Variants in SGCZ observed in about 807,000 individuals in gnomAD.
SGCZ encodes the protein sarcoglycan zeta.
SGCZ carries 40 observed loss-of-function variants against 41.3 expected under a neutral mutation model. The ratio of observed to expected loss-of-function variants is 0.97; its 90% CI spans 0.75 to 1.26. The LOEUF is 1.26. Ranked by LOEUF, SGCZ falls within the 50% of genes most tolerant of loss-of-function variation. SGCZ has a pLI of 0.00. For missense variants in SGCZ, 552 were observed against 369.8 expected (o/e 1.49, Z -4.04); for synonymous variants, 206 against 137.5 (o/e 1.50, Z -3.49).
chr8:14,989,656 C>A (rs1460533666), intron 1 of SGCZ, among the ~76,000 whole-genome samples: 1 of 152,092 alleles, frequency 6.6e-6, no homozygotes, highest in East Asian at 1.9e-4. Flanking sequence ...CTAAACTAAT[C>A]ATATGTCAGT....
intron 1 of SGCZ, 133 bp downstream of exon 1, chr8:15,237,451 CG>C: frequency 9.4e-7 from 1 of 1,060,460 alleles, no homozygotes; most frequent in Non-Finnish European, 1.4e-6. Context: ...CCCGGGTGCG[CG>C]TCCCCCCAAC....
Position 14,753,480 on chromosome 8 carries a change from A to G in SGCZ, c.40-198554T>C, listed in dbSNP as rs969771. ...TAGCATTGAAGAAGAAAATTTTTCA[A>G]ATATGCATAAGCAACATACATTGCT... On this transcript the variant is annotated intron_variant, in intron 1 of 7. Transcript: ENST00000382080. Among the ~76,000 whole-genome samples, 668 of 152,336 alleles carry G rather than the reference A, an allele frequency of 4.4e-3. 9 individuals are homozygous for G. Among genetic ancestry groups the G allele is most frequent in the African/African-American group, 0.015 (617 of 41,586 alleles).
chr8:15,190,124 C>T (rs1800484771), intron 1 of SGCZ, among the ~76,000 whole-genome samples: 1 of 152,134 alleles, frequency 6.6e-6, no homozygotes, highest in African/African-American at 2.4e-5. Flanking sequence ...GTCTGCTTTA[C>T]CTGAAATTCT....
At chr8:14,999,547 G>GA (rs1254795968) in intron 1 of SGCZ, among the ~76,000 whole-genome samples, 3 of 152,164 alleles carry the variant, frequency 2.0e-5, no homozygotes, top group Non-Finnish European at 4.4e-5. Context: ...TTAGGGTCGA[G>GA]AAAAAGGAGG....
At chr8:14,895,572 G>C (rs976545889) in intron 1 of SGCZ, among the ~76,000 whole-genome samples, 2 of 152,090 alleles carry the variant, frequency 1.3e-5, no homozygotes, top group African/African-American at 4.8e-5. Flanking sequence ...TTTGAATCTG[G>C]AAGATCAAAG....
chr8:14,271,131 G>A (rs1019505782), intron 3 of SGCZ, among the ~76,000 whole-genome samples: 2 of 151,870 alleles, frequency 1.3e-5, no homozygotes, highest in Non-Finnish European at 2.9e-5. Flanking sequence ...ACACCAATAT[G>A]GCACATGTAT....
intron 1 of SGCZ, among the ~76,000 whole-genome samples, chr8:14,704,605 T>C (rs1393694421): frequency 2.0e-5 from 3 of 152,002 alleles, no homozygotes; most frequent in African/African-American, 7.2e-5. Flanking sequence ...CTGTGGGCAG[T>C]TAATCTCTCA....
chr8:14,177,951 T>TTTTTTTCTTTTCTTC (rs1804599714), intron 4 of SGCZ, among the ~76,000 whole-genome samples: 1 of 68,848 alleles, frequency 1.5e-5, no homozygotes, highest in East Asian at 2.6e-4. Context: ...TTCTTTTCTT[T>TTTTTTTCTTTTCTTC]TTTTTTCTTT....
At chr8:14,536,805 T>G (rs1803310987) in intron 2 of SGCZ, among the ~76,000 whole-genome samples, 3 of 151,898 alleles carry the variant, frequency 2.0e-5, no homozygotes. Flanking sequence ...CATGAGTTAA[T>G]GTGAAGATAT....
At chr8:14,160,763 T>C (rs2116975406) in intron 5 of SGCZ, among the ~76,000 whole-genome samples, 1 of 152,258 alleles carries the variant, frequency 6.6e-6, no homozygotes, top group African/African-American at 2.4e-5. Flanking sequence ...ATGTATCAGG[T>C]AAATTCCTGC....
At chr8:15,135,435 T>A (rs914870017) in intron 1 of SGCZ, among the ~76,000 whole-genome samples, 1 of 152,180 alleles carries the variant, frequency 6.6e-6, no homozygotes, top group African/African-American at 2.4e-5. Context: ...CCATTCACAT[T>A]TTCCTAGCAC....
At chr8:14,406,118 C>T (rs1241671299) in intron 2 of SGCZ, among the ~76,000 whole-genome samples, 3 of 152,050 alleles carry the variant, frequency 2.0e-5, no homozygotes, top group African/African-American at 7.2e-5. Flanking sequence ...TACAGTTTCC[C>T]ATCTTCTGTG....
At chr8:14,239,709 C>A (rs544641026) in intron 3 of SGCZ, among the ~76,000 whole-genome samples, 3 of 150,772 alleles carry the variant, frequency 2.0e-5, no homozygotes, top group Non-Finnish European at 4.4e-5. Context: ...GAGACCATCC[C>A]GGCTAAAACG....
intron 1 of SGCZ, among the ~76,000 whole-genome samples, chr8:14,713,223 A>C (rs1809578855): frequency 6.6e-6 from 1 of 152,222 alleles, no homozygotes; most frequent in Non-Finnish European, 1.5e-5. Context: ...GGAGGAAATT[A>C]AATGCATGTC....
chr8:14,850,104 T>C (rs889166338), intron 1 of SGCZ, among the ~76,000 whole-genome samples: 20 of 152,146 alleles, frequency 1.3e-4, no homozygotes, highest in Admixed American at 3.9e-4. Context: ...AAGAAAAAAA[T>C]TTATTTTCAA....
chr8:14,328,208 G>T (rs1034149587), intron 2 of SGCZ, among the ~76,000 whole-genome samples: 1 of 152,150 alleles, frequency 6.6e-6, no homozygotes, highest in South Asian at 2.1e-4. Context: ...CTATTTATGA[G>T]TTGATGAAAT....
intron 3 of SGCZ, among the ~76,000 whole-genome samples, chr8:14,297,067 G>A (rs1197600000): frequency 2.0e-5 from 3 of 151,956 alleles, no homozygotes; most frequent in South Asian, 2.1e-4. Context: ...GAGTACAGAC[G>A]CACACCAGCA....
At chr8:14,851,108 A>G (rs1280626451) in intron 1 of SGCZ, among the ~76,000 whole-genome samples, 4 of 152,076 alleles carry the variant, frequency 2.6e-5, no homozygotes, top group Non-Finnish European at 4.4e-5. Context: ...AGTGGCTCAC[A>G]CCTGTAATCC....
chr8:15,159,752 ACC>A (rs1242958719), intron 1 of SGCZ, among the ~76,000 whole-genome samples: 3 of 26,970 alleles, frequency 1.1e-4, no homozygotes, highest in African/African-American at 2.0e-4. Context: ...CCTCCCCCCC[ACC>A]CCCGCCACAC....
Sources: gnomAD v4.1 joint callset for allele counts (sites outside exome capture counted in the v4.1 genomes callset) on GRCh38, gnomAD v4.1.1 for gene constraint, MANE v1.5 for transcripts, NCBI Gene and HGNC (gene_info 2026-07-23, HGNC 2026-07-21) for gene names.